Variants in KCNQ3 observed in about 807,000 individuals in gnomAD.
KCNQ3 encodes potassium voltage-gated channel subfamily KQT member 3.
Under a neutral mutation model 92.5 loss-of-function variants are expected in KCNQ3, and 30 were observed. That is an observed-to-expected ratio of 0.32 (90% confidence interval 0.24 to 0.44). The LOEUF is 0.44. Ranked by LOEUF, KCNQ3 falls within the 20% of genes least tolerant of loss-of-function variation. The probability of loss-of-function intolerance (pLI) is 1.00; values close to 1 mark genes in which losing one functional copy is unlikely to be tolerated. For missense variants in KCNQ3, 913 were observed against 1,140.3 expected, an observed-to-expected ratio of 0.80 and a Z score of 2.87; for synonymous variants, 450 against 468.8, an observed-to-expected ratio of 0.96 and a Z score of 0.52.
At chr8:132,141,703 G>C (rs1430611416) in intron 9 of KCNQ3, among the ~76,000 whole-genome samples, 1 of 152,022 alleles carries the variant, frequency 6.6e-6, no homozygotes, top group Non-Finnish European at 1.5e-5. Context: ...ATCATCCCAT[G>C]GTACCCAGAT....
At chr8:132,479,949 A>AACACACACAC (rs371967111) in intron 1 of KCNQ3, among the ~76,000 whole-genome samples, 198 bp downstream of exon 1, 2,236 of 137,142 alleles carry the variant, frequency 0.016, 30 homozygotes, top group Admixed American at 0.03. Flanking sequence ...GGAGAGCGGC[A>AACACACACAC]ACACACACAC....
At chr8:132,277,585 A>G (rs1816375877) in intron 1 of KCNQ3, among the ~76,000 whole-genome samples, 1 of 152,174 alleles carries the variant, frequency 6.6e-6, no homozygotes, top group African/African-American at 2.4e-5. Context: ...TCTTTTCACA[A>G]AATCTAAAAA....
chr8:132,372,758 T>G (rs1412554852), intron 1 of KCNQ3, among the ~76,000 whole-genome samples: 1 of 54,246 alleles, frequency 1.8e-5, no homozygotes, highest in Admixed American at 2.0e-4. Context: ...AGACTTTGTC[T>G]CAAAAAAAAA....
intron 1 of KCNQ3, among the ~76,000 whole-genome samples, chr8:132,380,945 A>G (rs1292224486): frequency 6.6e-6 from 1 of 151,922 alleles, no homozygotes; most frequent in Non-Finnish European, 1.5e-5. Flanking sequence ...AAAAAAAAAA[A>G]AAAAAACAAC....
At chr8:132,162,931 T>G (rs2130074497) in intron 9 of KCNQ3, among the ~76,000 whole-genome samples, 1 of 152,322 alleles carries the variant, frequency 6.6e-6, no homozygotes, top group South Asian at 2.1e-4. Context: ...TTAAAAATGG[T>G]TTCTACATGT....
At chr8:132,249,465 C>T (rs1815318052) in intron 1 of KCNQ3, among the ~76,000 whole-genome samples, 1 of 152,190 alleles carries the variant, frequency 6.6e-6, no homozygotes, top group Admixed American at 6.5e-5. Context: ...GAGCTAGACA[C>T]AGGGTGCTGA....
At chr8:132,470,367 C>T (rs1822270520) in intron 1 of KCNQ3, among the ~76,000 whole-genome samples, 1 of 152,156 alleles carries the variant, frequency 6.6e-6, no homozygotes, top group Non-Finnish European at 1.5e-5. Flanking sequence ...ATATAACATA[C>T]ATATATATTC....
chr8:132,415,598 T>G (rs1820775291), intron 1 of KCNQ3, among the ~76,000 whole-genome samples: 1 of 152,194 alleles, frequency 6.6e-6, no homozygotes. Context: ...CAGATGGGAT[T>G]CCATTTCTGT....
At chr8:132,377,624 G>A (rs1251837918) in intron 1 of KCNQ3, among the ~76,000 whole-genome samples, 1 of 152,152 alleles carries the variant, frequency 6.6e-6, no homozygotes, top group Non-Finnish European at 1.5e-5. Flanking sequence ...AAAACCTACA[G>A]GGATGGTTTG....
At position 132,186,084 on chromosome 8, in the gene KCNQ3, A is replaced by G. The variant is rs757078055; in HGVS notation, c.477+7T>C. On this transcript the variant is annotated splice_region_variant and intron_variant, in intron 2 of 14. Coordinates refer to ENST00000388996, the MANE Select transcript of KCNQ3 (RefSeq NM_004519.4). ...CCAGAAGCATTTACCCCAGAATGCA[A>G]TCTTACCAGTAACAGAAGCCAGTCT... The G allele has an allele frequency of 2.7e-5, 44 of 1,607,308 alleles. No homozygotes were observed. Among genetic ancestry groups the G allele is most frequent in the Middle Eastern group, 1.6e-4 (1 of 6,068 alleles).
intron 1 of KCNQ3, among the ~76,000 whole-genome samples, chr8:132,396,044 G>A (rs967334533): frequency 2.0e-5 from 3 of 152,208 alleles, no homozygotes; most frequent in Admixed American, 2.0e-4. Context: ...CATCCACTAG[G>A]TGGAGCTAAC....
At chr8:132,150,636 G>A (rs953543224) in intron 9 of KCNQ3, among the ~76,000 whole-genome samples, 12 of 150,724 alleles carry the variant, frequency 8.0e-5, no homozygotes, top group Admixed American at 7.3e-4. Flanking sequence ...GTTTTTTTTT[G>A]GTTGACTGAA....
chr8:132,472,682 C>T (rs1822322531), intron 1 of KCNQ3, among the ~76,000 whole-genome samples: 2 of 152,030 alleles, frequency 1.3e-5, no homozygotes, highest in Admixed American at 6.6e-5. Context: ...GGAATAAGTT[C>T]TAATGTTTAA....
intron 1 of KCNQ3, among the ~76,000 whole-genome samples, chr8:132,243,895 T>C (rs890690877): frequency 6.6e-6 from 1 of 152,238 alleles, no homozygotes; most frequent in African/African-American, 2.4e-5. Context: ...CTAGATATTA[T>C]CATTCTTGGA....
Position 132,368,652 on chromosome 8 carries a change from C to CAA in KCNQ3, c.386+111493_386+111494dup, listed in dbSNP as rs371396665. ...TGAGAGACTGAAAGAGACCCTGTCT[C>CAA]AAAAAAAAAGAAAAGAAAAGAAAAA... On this transcript the variant is annotated intron_variant, in intron 1 of 14. Transcript: ENST00000388996. 4.3e-3 allele frequency among the ~76,000 whole-genome samples: 609 copies of CAA among 143,178 alleles called. 3 individuals carry two copies. The highest frequency in any genetic ancestry group is 0.014 in the African/African-American group (529 of 38,962). 93.9% of individuals were successfully genotyped at this position (143,178 alleles called of 152,430 possible).
intron 1 of KCNQ3, among the ~76,000 whole-genome samples, chr8:132,470,977 A>T (rs748205688): frequency 5.3e-5 from 8 of 152,226 alleles, no homozygotes; most frequent in Non-Finnish European, 1.2e-4. Context: ...ATTACGTCAG[A>T]AGGATGGGTT....
chr8:132,469,663 G>A (rs1822254175), intron 1 of KCNQ3, among the ~76,000 whole-genome samples: 1 of 152,016 alleles, frequency 6.6e-6, no homozygotes, highest in South Asian at 2.1e-4. Context: ...TTTGCATTCT[G>A]TGAAGACCTC....
At chr8:132,230,449 C>CAGAGAGAGAG (rs5895132) in intron 1 of KCNQ3, among the ~76,000 whole-genome samples, 5 of 142,360 alleles carry the variant, frequency 3.5e-5, no homozygotes, top group South Asian at 2.3e-4. Flanking sequence ...GAGAGAGAGA[C>CAGAGAGAGAG]AGAGAGAGAG....
Position 132,247,640 on chromosome 8 carries a change from T to TA in KCNQ3, c.387-61460dup, listed in dbSNP as rs571762073. Among the ~76,000 whole-genome samples the TA allele has an allele frequency of 3.2e-4, 49 of 151,154 alleles. 1 individual carries two copies. In the South Asian group the frequency reaches 7.8e-3, roughly 24 times the overall value. Reference sequence around the variant, plus strand: ...TGAAACCCCATCTCTACTAAAAATATAAAAAAAATTAGCCGGGCGTGGCGG... The same window carrying TA: ...TGAAACCCCATCTCTACTAAAAATATAAAAAAAAATTAGCCGGGCGTGGCGG... On this transcript the variant is annotated intron_variant, in intron 1 of 14. Coordinates refer to ENST00000388996, the MANE Select transcript of KCNQ3 (RefSeq NM_004519.4).
Sources: allele counts gnomAD v4.1 joint callset (sites outside exome capture counted in the v4.1 genomes callset), GRCh38; gene constraint gnomAD v4.1.1; transcripts MANE v1.5; gene names NCBI Gene and HGNC (gene_info 2026-07-23, HGNC 2026-07-21).